The following GALNT13 variants were observed in gnomAD, a reference collection of about 807,000 sequenced individuals.
GALNT13 encodes UDP-GalNAc:polypeptide N-acetylgalactosaminyltransferase 13.
In GALNT13, 28 loss-of-function variants were observed where a neutral mutation model predicts 64.2. The observed-to-expected ratio is 0.44, with a 90% CI of 0.32 to 0.60. The LOEUF is 0.60. GALNT13 is among the 20% of genes least tolerant of loss of function. The pLI, the probability that GALNT13 is intolerant of heterozygous loss-of-function variation, is 0.05. For synonymous variants in GALNT13, 214 were observed against 224.6 expected (o/e 0.95, Z 0.42); for missense variants, 577 against 669.8 (o/e 0.86, Z 1.53).
At chr2:153,627,735 T>C in the GALNT13 span, among the ~76,000 whole-genome samples, 1 of 152,164 alleles carries the variant, frequency 6.6e-6, no homozygotes, top group Non-Finnish European at 1.5e-5. Context: ...ACTGTAAACA[T>C]GCCTTAAACA....
At chr2:153,763,638 C>G in the GALNT13 span, among the ~76,000 whole-genome samples, 8 of 152,240 alleles carry the variant, frequency 5.3e-5, no homozygotes, top group African/African-American at 1.9e-4. Context: ...TATAAATTAC[C>G]CAGTCCCTCA....
chr2:153,104,589 C>A, the GALNT13 span, among the ~76,000 whole-genome samples: 1 of 152,124 alleles, frequency 6.6e-6, no homozygotes, highest in African/African-American at 2.4e-5. Context: ...CCTGCTTTAT[C>A]TGATTCTTAC....
the GALNT13 span, among the ~76,000 whole-genome samples, chr2:153,835,673 A>G: frequency 6.7e-6 from 1 of 150,256 alleles, no homozygotes; most frequent in South Asian, 2.1e-4. Flanking sequence ...TCTATGCTTC[A>G]TAATATAAAA....
At chr2:153,577,936 T>C in the GALNT13 span, among the ~76,000 whole-genome samples, 1 of 151,250 alleles carries the variant, frequency 6.6e-6, no homozygotes, top group Non-Finnish European at 1.5e-5. Flanking sequence ...ACACAGGTAG[T>C]CACACACAAA....
chr2:153,982,098 G>A (rs1274206397), intron 3 of GALNT13, among the ~76,000 whole-genome samples: 1 of 151,998 alleles, frequency 6.6e-6, no homozygotes, highest in Admixed American at 6.6e-5. Context: ...TGTAACAAAT[G>A]TGTGCTAGGA....
intron 10 of GALNT13, among the ~76,000 whole-genome samples, chr2:154,399,301 G>A (rs979476148): frequency 1.3e-5 from 2 of 151,956 alleles, no homozygotes; most frequent in African/African-American, 4.8e-5. Context: ...GTCCATTAGG[G>A]CTGCTATACC....
At chr2:153,856,823 A>C in the GALNT13 span, among the ~76,000 whole-genome samples, 7 of 152,170 alleles carry the variant, frequency 4.6e-5, no homozygotes, top group Non-Finnish European at 1.0e-4. Context: ...AAGAATTTTT[A>C]TAACAATATC....
intron 3 of GALNT13, among the ~76,000 whole-genome samples, chr2:153,987,734 G>A (rs1353048869): frequency 6.6e-6 from 1 of 151,562 alleles, no homozygotes; most frequent in African/African-American, 2.4e-5. Flanking sequence ...AACTTCCTGG[G>A]CATGGCACTA....
chr2:153,294,070 G>T, the GALNT13 span, among the ~76,000 whole-genome samples: 1 of 152,072 alleles, frequency 6.6e-6, no homozygotes, highest in African/African-American at 2.4e-5. Context: ...CAATTTACCT[G>T]CCTTGACTTC....
At chr2:153,795,705 C>T in the GALNT13 span, among the ~76,000 whole-genome samples, 1 of 152,254 alleles carries the variant, frequency 6.6e-6, no homozygotes, top group Admixed American at 6.5e-5. Context: ...TCATGGAAAT[C>T]CACTGTTGAA....
chr2:154,216,580 A>G (rs1392430237), intron 4 of GALNT13, among the ~76,000 whole-genome samples: 1 of 152,078 alleles, frequency 6.6e-6, no homozygotes, highest in Non-Finnish European at 1.5e-5. Context: ...TTTTATTAAA[A>G]TGAGATTAAA....
the GALNT13 span, among the ~76,000 whole-genome samples, chr2:153,528,802 A>T: frequency 6.6e-6 from 1 of 152,024 alleles, no homozygotes; most frequent in Non-Finnish European, 1.5e-5. Context: ...AGGAAATTAA[A>T]TAATATGTTT....
chr2:153,329,271 A>G, the GALNT13 span, among the ~76,000 whole-genome samples: 28 of 152,192 alleles, frequency 1.8e-4, no homozygotes, highest in East Asian at 2.5e-3. Flanking sequence ...AGCCTCCCCA[A>G]TTTGTTTTCT....
intron 3 of GALNT13, among the ~76,000 whole-genome samples, chr2:153,979,062 A>AATTT (rs1694272077): frequency 6.6e-6 from 1 of 152,188 alleles, no homozygotes; most frequent in African/African-American, 2.4e-5. Flanking sequence ...ATAGTTCTTA[A>AATTT]TATATAAGAA....
the GALNT13 span, among the ~76,000 whole-genome samples, chr2:153,198,215 A>G: frequency 2.0e-5 from 3 of 152,126 alleles, no homozygotes; most frequent in Non-Finnish European, 2.9e-5. Flanking sequence ...CCTGTTGCTC[A>G]GTGGGTGTGT....
chr2:154,228,765 G>GTTCCTC, intron 4 of GALNT13, among the ~76,000 whole-genome samples: 1 of 152,098 alleles, frequency 6.6e-6, no homozygotes, highest in Non-Finnish European at 1.5e-5. Context: ...TGAATGAGGG[G>GTTCCTC]TCTGGAATCT....
At chr2:154,046,455 CA>C (rs1325044974) in intron 3 of GALNT13, among the ~76,000 whole-genome samples, 2 of 152,280 alleles carry the variant, frequency 1.3e-5, no homozygotes, top group Non-Finnish European at 2.9e-5. Flanking sequence ...TGCTATTTAT[CA>C]TGTAGCTATC....
the GALNT13 span, among the ~76,000 whole-genome samples, chr2:153,674,942 A>G: frequency 6.6e-6 from 1 of 152,244 alleles, no homozygotes; most frequent in African/African-American, 2.4e-5. Flanking sequence ...GACATATGAA[A>G]AAATGCTCAT....
At chr2:153,697,089 T>G in the GALNT13 span, among the ~76,000 whole-genome samples, 1 of 152,206 alleles carries the variant, frequency 6.6e-6, no homozygotes, top group Non-Finnish European at 1.5e-5. Context: ...CTGCAGGGCA[T>G]CTGTGATTTC....
Sources: allele counts gnomAD v4.1 joint callset (sites outside exome capture counted in the v4.1 genomes callset), GRCh38; gene constraint gnomAD v4.1.1; transcripts MANE v1.5; gene names NCBI Gene and HGNC (gene_info 2026-07-23, HGNC 2026-07-21).